Variants in WRAP53 observed in about 807,000 individuals in gnomAD.
WRAP53 encodes the protein telomerase Cajal body protein 1.
In WRAP53, 28 loss-of-function variants were observed where a neutral mutation model predicts 56.6. The ratio of observed to expected loss-of-function variants is 0.50; its 90% confidence interval spans 0.37 to 0.68. The LOEUF (loss-of-function observed/expected upper bound fraction) is 0.68. Ranked by LOEUF, WRAP53 falls within the 30% of genes least tolerant of loss-of-function variation. WRAP53 has a pLI of 0.00. For synonymous variants in WRAP53, 283 were observed against 283.4 expected (o/e 1.00, Z 0.01); for missense variants, 671 against 715.5 (o/e 0.94, Z 0.71).
upstream of WRAP53, chr17:7,687,211 AC>A (rs1182973071): frequency 2.5e-6 from 1 of 396,774 alleles, no homozygotes; most frequent in East Asian, 3.6e-5. Context: ...CAACAATGCA[AC>A]TCCTATGATG....
At chr17:7,698,893 A>AATAG (rs1286949325) in intron 4 of WRAP53, among the ~76,000 whole-genome samples, 2 of 151,442 alleles carry the variant, frequency 1.3e-5, no homozygotes, top group African/African-American at 4.9e-5. Flanking sequence ...TAAATAAATA[A>AATAG]ATAAATAAAT....
rs146994329 is a variant in WRAP53, at chr17:7,703,480, G to C, written c.1641G>C (p.Leu547=). Residue 547 remains leucine, a synonymous_variant, in exon 11 of 11, where the codon CTG becomes CTC. Transcript: ENST00000396463. Reference sequence around the variant, plus strand: ...GAACGGAGGGAGGTGTGGGTGAGCTGATATAAAAAGGTTTTTATGATACTA... The same window carrying C: ...GAACGGAGGGAGGTGTGGGTGAGCTCATATAAAAAGGTTTTTATGATACTA... ...QGGTEGGVGE[L]I 6.2e-7 allele frequency: 1 copy of C among 1,608,066 alleles called. No individual in the cohort carries two copies. Among genetic ancestry groups the C allele is most frequent in the Non-Finnish European group, 8.5e-7 (1 of 1,177,594 alleles).
chr17:7,699,456 A>G (rs868821161), intron 4 of WRAP53, among the ~76,000 whole-genome samples: 3 of 44,858 alleles, frequency 6.7e-5, no homozygotes, highest in African/African-American at 2.4e-4. Context: ...ATATATATAT[A>G]TTTATATATA....
upstream of WRAP53, chr17:7,688,466 C>A: frequency 1.5e-6 from 1 of 662,394 alleles, no homozygotes; most frequent in Non-Finnish European, 2.5e-6. Context: ...ACCCGCGGTG[C>A]TAAGGAACAC....
In WRAP53 at chr17:7,701,552, AG is replaced by A; in HGVS notation, c.822+6del. 1 of 1,614,236 alleles carries A rather than the reference AG, an allele frequency of 6.2e-7. No homozygotes were observed. On this transcript the variant is annotated splice_donor_region_variant and intron_variant, in intron 6 of 10. Coordinates refer to ENST00000396463, the MANE Select transcript of WRAP53 (RefSeq NM_001143992.2). This position sits in a 1 kb window ranked among gnomAD's most constrained non-coding sequence, Gnocchi z 4.2. Reference sequence around the variant, plus strand: ...CCTTTCGCGCCTACAACCACCTGGTAGGGACCGCCATACTCAGCCCCAGCAC... The same window carrying A: ...CCTTTCGCGCCTACAACCACCTGGTAGGACCGCCATACTCAGCCCCAGCAC...
intron 4 of WRAP53, among the ~76,000 whole-genome samples, chr17:7,698,954 G>A (rs2074221871): frequency 1.3e-5 from 2 of 152,018 alleles, no homozygotes; most frequent in Non-Finnish European, 2.9e-5. Context: ...TACTAGGGAG[G>A]CTGAGGCCAG....
chr17:7,699,450 A>G (rs866795638), intron 4 of WRAP53, among the ~76,000 whole-genome samples: 1,393 of 53,166 alleles, frequency 0.026, 88 homozygotes, highest in African/African-American at 0.1. Flanking sequence ...TTATATATAT[A>G]TATATATTTA....
At chr17:7,699,508 A>ATTTT (rs2074242599) in intron 4 of WRAP53, among the ~76,000 whole-genome samples, 9 of 25,766 alleles carry the variant, frequency 3.5e-4, no homozygotes, top group Admixed American at 1.2e-3. Context: ...ATATTTATAT[A>ATTTT]TATATATATA....
chr17:7,700,549 A>AT (rs1030522767), intron 4 of WRAP53, among the ~76,000 whole-genome samples, 192 bp from the exon 5 acceptor site: 23 of 147,578 alleles, frequency 1.6e-4, no homozygotes, highest in African/African-American at 1.5e-4. Flanking sequence ...CAAAATAATA[A>AT]AAAAAAAAAA....
intron 4 of WRAP53, among the ~76,000 whole-genome samples, chr17:7,695,501 C>T (rs2014967644): frequency 6.6e-6 from 1 of 152,190 alleles, no homozygotes; most frequent in South Asian, 2.1e-4. Flanking sequence ...CTCCAGGAGA[C>T]ACTTTGCATC....
At chr17:7,698,510 T>A (rs2074215747) in intron 4 of WRAP53, among the ~76,000 whole-genome samples, 1 of 152,132 alleles carries the variant, frequency 6.6e-6, no homozygotes, top group Admixed American at 6.5e-5. Flanking sequence ...GGTGGCTGGA[T>A]TGCTTGAGGC....
At chr17:7,699,476 TTATATATA>T (rs1299417199) in intron 4 of WRAP53, among the ~76,000 whole-genome samples, 8 of 11,396 alleles carry the variant, frequency 7.0e-4, no homozygotes, top group Admixed American at 2.6e-3. Context: ...ATATATATAT[TTATATATA>T]TATATATATA....
At position 7,691,726 on chromosome 17, in the gene WRAP53, C is replaced by T. The variant is rs145580889; in HGVS notation, c.642+2025C>T. Among the ~76,000 whole-genome samples the T allele has an allele frequency of 3.3e-3, 500 of 151,738 alleles. 2 individuals are homozygous for T. Among genetic ancestry groups the T allele is most frequent in the Middle Eastern group, 0.01 (3 of 292 alleles). On this transcript the variant is annotated intron_variant, in intron 4 of 10. Coordinates refer to ENST00000396463, the MANE Select transcript of WRAP53 (RefSeq NM_001143992.2). ...TTTTTAGTAGAGACAGGTTTTGCCA[C>T]GTTGGCCTGGCTGGTCTCAAACTCC...
chr17:7,690,822 G>T (rs2074097897), intron 4 of WRAP53, among the ~76,000 whole-genome samples: 1 of 152,130 alleles, frequency 6.6e-6, no homozygotes, highest in Non-Finnish European at 1.5e-5. Context: ...TGAGGCAGGA[G>T]AATCTCTTAA....
intron 10 of WRAP53, 46 bp downstream of exon 10, chr17:7,703,173 G>C (rs2074298863): frequency 6.2e-7 from 1 of 1,613,542 alleles, no homozygotes; most frequent in South Asian, 1.1e-5. Flanking sequence ...GTTGGGGAGG[G>C]AGGTGAATCC....
upstream of WRAP53, chr17:7,686,331 A>G (rs1203596998): frequency 3.3e-5 from 5 of 151,626 alleles, no homozygotes; most frequent in Admixed American, 2.6e-4. Flanking sequence ...GGAAGATGAG[A>G]TATACTCATT....
intron 4 of WRAP53, among the ~76,000 whole-genome samples, chr17:7,697,351 AGAG>A (rs1829393595): frequency 6.7e-6 from 1 of 149,892 alleles, no homozygotes; most frequent in African/African-American, 2.5e-5. Context: ...AAAAGAAAAA[AGAG>A]AAGAAAAGAA....
intron 4 of WRAP53, 82 bp downstream of exon 4, chr17:7,689,783 G>A (rs2151086307): frequency 8.5e-7 from 1 of 1,173,686 alleles, no homozygotes; most frequent in Non-Finnish European, 1.2e-6. Context: ...TAGTCCAAGT[G>A]TTTCCTGTTC....
Position 7,703,116 on chromosome 17 carries a change from C to T in WRAP53, c.1392C>T (p.Thr464=). The change falls in exon 10 of 11, where the codon ACC becomes ACT. Residue 464 remains threonine, a synonymous_variant. Coordinates refer to ENST00000396463, the MANE Select transcript of WRAP53 (RefSeq NM_001143992.2). ...VLSFLPQKDC[T]NGVSLHPSLP... ...GTTTTCTGCCCCAGAAGGACTGCAC[C>T]AATGGCGTGAGGTCCTCAGTTCAAT... 6.2e-7 allele frequency: 1 copy of T among 1,614,112 alleles called. No homozygotes were observed. Among genetic ancestry groups the T allele is most frequent in the African/African-American group, 1.3e-5 (1 of 75,030 alleles).
Sources: gnomAD v4.1 joint callset for allele counts (sites outside exome capture counted in the v4.1 genomes callset) on GRCh38, gnomAD v4.1.1 for gene constraint, Gnocchi (gnomAD v3.1) non-coding constraint, MANE v1.5 for transcripts, NCBI Gene and HGNC (gene_info 2026-07-23, HGNC 2026-07-21) for gene names.